Variants in GRM7 observed in about 807,000 individuals in gnomAD.
GRM7 encodes metabotropic glutamate receptor 7.
In GRM7, 35 loss-of-function variants were observed where a neutral mutation model predicts 84.5. The observed-to-expected ratio is 0.41, with a 90% CI of 0.32 to 0.55. The LOEUF (loss-of-function observed/expected upper bound fraction) is 0.55. Ranked by LOEUF, GRM7 falls within the 20% of genes least tolerant of loss-of-function variation. The pLI, the probability that GRM7 is intolerant of heterozygous loss-of-function variation, is 0.19. For synonymous variants in GRM7, 487 were observed against 455.1 expected (o/e 1.07, Z -0.89); for missense variants, 1,003 against 1,194.6 (o/e 0.84, Z 2.36).
intron 9 of GRM7, among the ~76,000 whole-genome samples, chr3:7,733,393 AG>A (rs1702393568): frequency 6.6e-6 from 1 of 152,182 alleles, no homozygotes; most frequent in African/African-American, 2.4e-5. Flanking sequence ...CAGGAGCCAA[AG>A]ATGCCAGGCT....
chr3:7,577,281 G>A (rs551773550), intron 7 of GRM7, among the ~76,000 whole-genome samples: 1 of 152,050 alleles, frequency 6.6e-6, no homozygotes, highest in African/African-American at 2.4e-5. Flanking sequence ...ATATTCTCAG[G>A]GCACACCTCA....
chr3:7,489,904 T>C (rs570137963), intron 7 of GRM7, among the ~76,000 whole-genome samples: 1 of 151,762 alleles, frequency 6.6e-6, no homozygotes, highest in Admixed American at 6.6e-5. Context: ...ATTTATGATA[T>C]TATATACCAT....
intron 2 of GRM7, among the ~76,000 whole-genome samples, chr3:7,159,663 T>A (rs1694562722): frequency 1.3e-5 from 2 of 152,144 alleles, no homozygotes; most frequent in Admixed American, 1.3e-4. Flanking sequence ...CAGATATACC[T>A]AGGTTTAAAT....
intron 8 of GRM7, among the ~76,000 whole-genome samples, chr3:7,608,578 T>C (rs1374542140): frequency 6.6e-6 from 1 of 152,146 alleles, no homozygotes; most frequent in Non-Finnish European, 1.5e-5. Context: ...GGGTTTTTTC[T>C]TGTAAATTTA....
intron 9 of GRM7, among the ~76,000 whole-genome samples, chr3:7,727,690 T>G (rs1702174817): frequency 6.6e-6 from 1 of 152,276 alleles, no homozygotes; most frequent in African/African-American, 2.4e-5. Flanking sequence ...CCACATAGGC[T>G]TCTGGTCTGT....
At chr3:7,351,927 C>T (rs1395757299) in intron 4 of GRM7, among the ~76,000 whole-genome samples, 3 of 151,962 alleles carry the variant, frequency 2.0e-5, no homozygotes, top group East Asian at 1.9e-4. Context: ...TTACTGGCTT[C>T]TCATTCTGTA....
chr3:7,627,355 A>G (rs1213132647), intron 8 of GRM7, among the ~76,000 whole-genome samples: 2 of 152,202 alleles, frequency 1.3e-5, no homozygotes, highest in South Asian at 2.1e-4. Context: ...CTGCAGATGT[A>G]GAACAGAGAT....
At chr3:7,461,793 CAA>C in intron 7 of GRM7, 71 bp downstream of exon 7, 1 of 1,429,856 alleles carries the variant, frequency 7.0e-7, no homozygotes, top group Middle Eastern at 1.8e-4. Flanking sequence ...CTCAGTTATA[CAA>C]ATGTTTCTTG....
At chr3:7,491,412 GTATA>G (rs59392949) in intron 7 of GRM7, among the ~76,000 whole-genome samples, 68,106 of 149,804 alleles carry the variant, frequency 0.45, 15,642 homozygotes, top group East Asian at 0.7. Flanking sequence ...GATTTAGATG[GTATA>G]TATATATATA....
intron 7 of GRM7, among the ~76,000 whole-genome samples, chr3:7,544,547 A>G (rs1326739090): frequency 1.3e-5 from 2 of 152,152 alleles, no homozygotes; most frequent in African/African-American, 2.4e-5. Context: ...GCTAAGCCCT[A>G]TGTCCCATCT....
chr3:7,636,032 T>C (rs17667378), intron 8 of GRM7, among the ~76,000 whole-genome samples: 26,950 of 152,096 alleles, frequency 0.18, 2,543 homozygotes, highest in African/African-American at 0.21. Context: ...TCTAAATTAT[T>C]AATCACTTTG....
intron 7 of GRM7, among the ~76,000 whole-genome samples, chr3:7,512,096 A>G (rs1700228896): frequency 6.6e-6 from 1 of 152,058 alleles, no homozygotes; most frequent in South Asian, 2.1e-4. Context: ...CTACAGTGAG[A>G]TATGATTGCA....
rs749505566 is a variant in GRM7 at position 7,298,741 on chromosome 3, T to A, written c.794T>A (p.Ile265Asn). Residue 265 changes from isoleucine (I) to asparagine (N), a missense_variant, in exon 3 of 10, where the codon ATT (isoleucine) becomes AAT (asparagine). Around this residue, in one of 2 missense-constraint regions of GRM7, gnomAD observed 910 missense variants for 1,126.0 expected, o/e 0.81. Coordinates refer to ENST00000357716, the MANE Select transcript of GRM7 (RefSeq NM_000844.4). ...RIPQERKDRT[I>N]DFDRIIKQLL... ...CCCCAGGAACGCAAAGACAGGACCA[T>A]TGACTTTGATAGAATTATCAAACAG... 1.9e-5 allele frequency: 30 copies of A among 1,613,104 alleles called. No homozygotes were observed. The highest frequency in any genetic ancestry group is 2.5e-5 in the Non-Finnish European group (29 of 1,179,104).
At chr3:6,915,940 G>A (rs887652018) in intron 1 of GRM7, among the ~76,000 whole-genome samples, 2 of 152,180 alleles carry the variant, frequency 1.3e-5, no homozygotes, top group African/African-American at 4.8e-5. Flanking sequence ...GTCAGAGTTT[G>A]ATTGTTTTCT....
At chr3:7,515,656 A>G (rs1700350257) in intron 7 of GRM7, among the ~76,000 whole-genome samples, 1 of 152,164 alleles carries the variant, frequency 6.6e-6, no homozygotes, top group East Asian at 1.9e-4. Flanking sequence ...CTATTAGGGT[A>G]TAGCAAAGGA....
chr3:7,507,935 T>G (rs1481445873), intron 7 of GRM7, among the ~76,000 whole-genome samples: 1 of 152,084 alleles, frequency 6.6e-6, no homozygotes, highest in Non-Finnish European at 1.5e-5. Context: ...GCACCTTGAG[T>G]TTTTTCTTTG....
intron 2 of GRM7, among the ~76,000 whole-genome samples, chr3:7,265,569 T>G (rs545034367): frequency 6.6e-6 from 1 of 152,296 alleles, no homozygotes; most frequent in East Asian, 1.9e-4. Context: ...CAGCAATGCT[T>G]AATTTAAAAT....
chr3:7,360,392 T>C lies in GRM7; in HGVS notation c.1033+53740T>C, dbSNP rs557781419. Among the ~76,000 whole-genome samples, 27 of 125,142 alleles carry C rather than the reference T, an allele frequency of 2.2e-4. 1 individual carries two copies. Among genetic ancestry groups the C allele is most frequent in the Admixed American group, 1.9e-3 (24 of 12,698 alleles). The allele number at this position is 125,142 out of a possible 152,430, so 82.1% of individuals were successfully genotyped here. ...CATAAAAACGTATTCTCTAAGGAAATGAAACATGGCAAATAATTACCTTTT... is the reference window on the plus strand; with the variant it reads ...CATAAAAACGTATTCTCTAAGGAAACGAAACATGGCAAATAATTACCTTTT... On this transcript the variant is annotated intron_variant, in intron 4 of 9. Coordinates refer to ENST00000357716, the MANE Select transcript of GRM7 (RefSeq NM_000844.4).
At chr3:7,514,710 A>G (rs565949109) in intron 7 of GRM7, among the ~76,000 whole-genome samples, 1 of 152,290 alleles carries the variant, frequency 6.6e-6, no homozygotes, top group East Asian at 1.9e-4. Context: ...CATTTGCAGA[A>G]CTGAATAATT....
Sources: gnomAD v4.1 joint callset for allele counts (sites outside exome capture counted in the v4.1 genomes callset) on GRCh38, gnomAD v4.1.1 for gene constraint, gnomAD v4.1.1 regional missense constraint, MANE v1.5 for transcripts, NCBI Gene and HGNC (gene_info 2026-07-23, HGNC 2026-07-21) for gene names.